DHRS4L2: variants seen among roughly 807,000 people sequenced by gnomAD.
DHRS4L2 encodes the protein dehydrogenase/reductase 4 like 2.
In DHRS4L2, 22 loss-of-function variants were observed where a neutral mutation model predicts 23.9. The observed-to-expected ratio is 0.92, with a 90% CI of 0.66 to 1.31. The LOEUF (loss-of-function observed/expected upper bound fraction) is 1.31. Ranked by LOEUF, DHRS4L2 falls within the 40% of genes most tolerant of loss-of-function variation. The pLI is 0.00. For missense variants in DHRS4L2, 385 were observed against 303.3 expected (o/e 1.27, Z -2.00); for synonymous variants, 141 against 123.7 (o/e 1.14, Z -0.93).
chr14:23,986,490 T>A (rs1419058712), upstream of DHRS4L2, among the ~76,000 whole-genome samples: 1 of 143,860 alleles, frequency 7.0e-6, no homozygotes, highest in South Asian at 2.3e-4. Context: ...ACGTGCACCC[T>A]AGAACTTAAA....
upstream of DHRS4L2, among the ~76,000 whole-genome samples, chr14:23,985,588 G>C (rs1448020748): frequency 6.6e-6 from 1 of 151,734 alleles, no homozygotes; most frequent in African/African-American, 2.4e-5. Flanking sequence ...GGAGGCATTT[G>C]TCCCTCAAGA....
intron 3 of DHRS4L2, among the ~76,000 whole-genome samples, chr14:24,000,390 C>T (rs1184864310): frequency 6.6e-6 from 1 of 150,760 alleles, no homozygotes; most frequent in Non-Finnish European, 1.5e-5. Flanking sequence ...GACAGTCCTT[C>T]CTAGAGGGCC....
intron 2 of DHRS4L2, among the ~76,000 whole-genome samples, chr14:23,992,227 G>A (rs559063744): frequency 2.0e-5 from 3 of 151,682 alleles, no homozygotes; most frequent in Admixed American, 6.6e-5. Context: ...GCATCAGTGA[G>A]GAAGCTGTTG....
upstream of DHRS4L2, chr14:23,988,748 C>G (rs538034877): frequency 1.6e-5 from 22 of 1,377,990 alleles, no homozygotes; most frequent in Non-Finnish European, 2.0e-5. Context: ...AAGGCAAGCC[C>G]CAGTCAGGCG....
intron 1 of DHRS4L2, among the ~76,000 whole-genome samples, chr14:23,973,356 C>CTT (rs2033902128): frequency 6.6e-6 from 1 of 151,942 alleles, no homozygotes; most frequent in African/African-American, 2.4e-5. Context: ...CAGTTCCCGC[C>CTT]CATGCCTCTC....
intron 7 of DHRS4L2, chr14:24,004,641 T>G: frequency 2.9e-6 from 2 of 678,970 alleles, no homozygotes; most frequent in Non-Finnish European, 5.2e-6. Flanking sequence ...CCCTGAGTCC[T>G]CTCTCCACCT....
At position 23,972,842 on chromosome 14, in the gene DHRS4L2, T is replaced by A. The variant is rs546597510; in HGVS notation, c.-176+2510T>A. The stretch of plus-strand genomic sequence containing the variant: ...GAAGGTCAGCAACAAACGTGAGCAA[T>A]AGAATCTACATCATAATTCAGTTCA... On this transcript the variant is annotated intron_variant, in intron 1 of 5. Transcript: ENST00000534993. Among the ~76,000 whole-genome samples, 110 of 151,422 alleles carry A rather than the reference T, an allele frequency of 7.3e-4. 4 individuals are homozygous for A. Among genetic ancestry groups the A allele is most frequent in the South Asian group, 2.1e-4 (1 of 4,764 alleles).
At chr14:23,972,945 G>T (rs1002588556) in intron 1 of DHRS4L2, among the ~76,000 whole-genome samples, 5 of 151,944 alleles carry the variant, frequency 3.3e-5, no homozygotes, top group African/African-American at 1.2e-4. Context: ...GTGGAGTAAA[G>T]AATAACAAGG....
In DHRS4L2 at chr14:23,990,765, C is replaced by G; in HGVS notation, c.306+406C>G. On this transcript the variant is annotated intron_variant, in intron 2 of 7. Coordinates refer to ENST00000335125, the MANE Select transcript of DHRS4L2 (RefSeq NM_198083.4). Reference sequence around the variant, plus strand: ...TCAGCCACTTACTATGTGCCATTTCCTGTGTTCAGAGCCTTACACAGGTTA... The same window carrying G: ...TCAGCCACTTACTATGTGCCATTTCGTGTGTTCAGAGCCTTACACAGGTTA... 3 of 594,646 alleles carry G rather than the reference C, an allele frequency of 5.0e-6. 1 individual carries two copies. The highest frequency in any genetic ancestry group is 4.4e-6 in the Non-Finnish European group (2 of 459,360). 36.8% of individuals were successfully genotyped at this position (594,646 alleles called of 1,614,324 possible).
intron 3 of DHRS4L2, among the ~76,000 whole-genome samples, chr14:23,998,551 G>A (rs1420918046): frequency 1.3e-5 from 2 of 150,670 alleles, no homozygotes; most frequent in Admixed American, 6.6e-5. Context: ...ATCAGCACTC[G>A]CTGCTTCATC....
chr14:23,982,015 A>G (rs1337156868), intron 1 of DHRS4L2, among the ~76,000 whole-genome samples: 2 of 151,428 alleles, frequency 1.3e-5, no homozygotes, highest in African/African-American at 4.9e-5. Flanking sequence ...GCCTTCCTCT[A>G]TCTCAACTGC....
intron 1 of DHRS4L2, among the ~76,000 whole-genome samples, chr14:23,983,290 T>A (rs2034084653): frequency 6.6e-6 from 1 of 151,746 alleles, no homozygotes; most frequent in South Asian, 2.1e-4. Context: ...AAGTTCATCA[T>A]CACTGCTCAT....
chr14:23,976,502 G>A (rs1289571572), intron 1 of DHRS4L2, among the ~76,000 whole-genome samples: 2 of 151,822 alleles, frequency 1.3e-5, no homozygotes, highest in Non-Finnish European at 2.9e-5. Flanking sequence ...TTAGACTGTT[G>A]GTGGGAGTGT....
In DHRS4L2 at chr14:23,989,178, C is replaced by T. The variant is rs1182292680; in HGVS notation, c.128+103C>T. ...GCCCCTGTCCTCAGACCTCACATAC[C>T]GCCAAAGTCTGGCCATGGAAAAAAA... On this transcript the variant is annotated intron_variant, in intron 1 of 7. Transcript: ENST00000335125. 24 of 1,497,870 alleles carry T rather than the reference C, an allele frequency of 1.6e-5. 1 individual carries two copies. The highest frequency in any genetic ancestry group is 6.3e-5 in the Admixed American group (3 of 47,434). 92.8% of individuals were successfully genotyped at this position (1,497,870 alleles called of 1,614,324 possible).
chr14:23,990,888 G>A, intron 2 of DHRS4L2: 1 of 714,816 alleles, frequency 1.4e-6, no homozygotes, highest in Non-Finnish European at 1.7e-6. Context: ...AGGTCCCACA[G>A]CCAGTAAGGA....
In DHRS4L2 at chr14:23,989,073, C is replaced by T. The variant is rs1230917229; in HGVS notation, c.126C>T (p.Asp42=). 17 of 1,569,938 alleles carry T rather than the reference C, an allele frequency of 1.1e-5. No homozygotes were observed. The highest frequency in any genetic ancestry group is 4.7e-5 in the South Asian group (4 of 85,652). Residue 42 remains aspartate, a splice_region_variant and synonymous_variant, in exon 1 of 8, where the codon GAC becomes GAT. Transcript: ENST00000335125. ...TGGCCCTGGTAACGGCCTCCACCGACGGGTGAGTGTTGGTGCCGGAGTTTC... is the reference window on the plus strand; with the variant it reads ...TGGCCCTGGTAACGGCCTCCACCGATGGGTGAGTGTTGGTGCCGGAGTTTC... ...NKVALVTAST[D]GIGFAIARRL...
intron 2 of DHRS4L2, among the ~76,000 whole-genome samples, chr14:23,994,378 G>C (rs999060591): frequency 6.6e-6 from 1 of 151,606 alleles, no homozygotes; most frequent in Admixed American, 6.6e-5. Flanking sequence ...GGAAGAATAG[G>C]AGGTGGGAAG....
intron 1 of DHRS4L2, among the ~76,000 whole-genome samples, chr14:23,981,000 A>C (rs2034041376): frequency 6.6e-6 from 1 of 151,726 alleles, no homozygotes; most frequent in Non-Finnish European, 1.5e-5. Flanking sequence ...TCAATTAGGA[A>C]AAGAGGAAGT....
Position 24,001,427 on chromosome 14 carries a change from T to C in DHRS4L2, c.575T>C (p.Leu192Pro). ...YNVSKTALLG[L>P]NNTLAIELAP... ...GTCAGTAAAACAGCCTTGCTGGGCCTCAACAATACCCTGGCCATAGAGCTG... is the reference window on the plus strand; with the variant it reads ...GTCAGTAAAACAGCCTTGCTGGGCCCCAACAATACCCTGGCCATAGAGCTG... Residue 192 changes from leucine (L) to proline (P), a missense_variant, in exon 6 of 8, where the codon CTC becomes CCC. Coordinates refer to ENST00000335125, the MANE Select transcript of DHRS4L2 (RefSeq NM_198083.4). The C allele has an allele frequency of 6.2e-7, 1 of 1,607,956 alleles. No individual in the cohort carries two copies. Among genetic ancestry groups the C allele is most frequent in the Non-Finnish European group, 8.5e-7 (1 of 1,179,400 alleles).
Sources: gnomAD v4.1 joint callset for allele counts (sites outside exome capture counted in the v4.1 genomes callset) on GRCh38, gnomAD v4.1.1 for gene constraint, MANE v1.5 for transcripts, NCBI Gene and HGNC (gene_info 2026-07-23, HGNC 2026-07-21) for gene names.